The following RHCE variants were observed in gnomAD, a reference collection of about 807,000 sequenced individuals.
RHCE encodes the protein Rh blood group CcEe antigens.
A neutral mutation model predicts 43.8 loss-of-function variants in RHCE; 22 were observed. That is an observed-to-expected ratio of 0.50 (90% CI 0.36 to 0.72). RHCE has a LOEUF of 0.72. Among genes scored for constraint, RHCE ranks in the 30% least tolerant of loss-of-function variants. RHCE has a pLI of 0.00. For synonymous variants in RHCE, 156 were observed against 210.7 expected (o/e 0.74, Z 2.25); for missense variants, 385 against 525.4 (o/e 0.73, Z 2.61).
intron 1 of RHCE, among the ~76,000 whole-genome samples, chr1:25,412,815 A>G (rs1220967320): frequency 6.6e-6 from 1 of 151,106 alleles, no homozygotes; most frequent in Non-Finnish European, 1.5e-5. Context: ...ACTTGAAGTC[A>G]GGAGTTTGAG....
chr1:25,406,675 G>C lies in RHCE; in HGVS notation c.335+2008C>G, dbSNP rs1326333860. Among the ~76,000 whole-genome samples, 13 of 102,706 alleles carry C rather than the reference G, an allele frequency of 1.3e-4. 2 individuals are homozygous for C. Among genetic ancestry groups the C allele is most frequent in the South Asian group, 5.6e-4 (1 of 1,792 alleles). The allele number at this position is 102,706 out of a possible 152,430, so 67.4% of individuals were successfully genotyped here. The stretch of plus-strand genomic sequence containing the variant: ...GAGTCTCGCTCTGTCGCCCAGGCTA[G>C]AGTGCAGTGGCACGATCTCGGCTCA... On this transcript the variant is annotated intron_variant, in intron 2 of 9. Coordinates refer to ENST00000294413, the MANE Select transcript of RHCE (RefSeq NM_020485.8).
In RHCE at chr1:25,389,070, C is replaced by T. The variant is rs1343804972; in HGVS notation, c.845G>A (p.Gly282Asp). The T allele has an allele frequency of 2.5e-6, 4 of 1,614,008 alleles. No individual in the cohort carries two copies. The highest frequency in any genetic ancestry group is 1.7e-5 in the Admixed American group (1 of 59,998). Residue 282 changes from glycine (G) to aspartate (D), a missense_variant, in exon 6 of 10, where the codon GGT becomes GAT. This residue lies in a region of RHCE where 56 missense variants were observed against 90.0 expected (regional missense o/e 0.62). Transcript: ENST00000294413. ...SAVLAGGVAV[G>D]TSCHLIPSPW... ...AGAAGGGATCAGGTGACACGAGGTA[C>T]CCACAGCCACGCCTCCTGCCAACAC...
intron 3 of RHCE, among the ~76,000 whole-genome samples, chr1:25,396,114 A>G (rs1405789844): frequency 6.6e-6 from 1 of 151,694 alleles, no homozygotes; most frequent in Non-Finnish European, 1.5e-5. Context: ...ATTCCTACCA[A>G]AAATGCATAC....
In RHCE at chr1:25,410,721, G is replaced by C. The variant is rs111576112; in HGVS notation, c.149-1852C>G. ...AGCCTAGACAATGTTTTTCGAAAAG[G>C]TGGAAGGGGAAGCATAGGTTTTGAG... On this transcript the variant is annotated intron_variant, in intron 1 of 9. Transcript: ENST00000294413. 4.6e-5 allele frequency among the ~76,000 whole-genome samples: 7 copies of C among 152,268 alleles called. 1 individual carries two copies. The highest frequency in any genetic ancestry group is 1.7e-4 in the African/African-American group (7 of 41,512).
intron 1 of RHCE, among the ~76,000 whole-genome samples, chr1:25,415,013 A>T (rs1193800824): frequency 6.6e-6 from 1 of 151,900 alleles, no homozygotes; most frequent in Non-Finnish European, 1.5e-5. Flanking sequence ...AGGCCCCTTA[A>T]CTCCAAGCCC....
chr1:25,404,394 G>A (rs978200019), intron 2 of RHCE, among the ~76,000 whole-genome samples: 70 of 143,240 alleles, frequency 4.9e-4, no homozygotes, highest in Admixed American at 3.0e-3. Context: ...GACTATGCCC[G>A]CTTAAGCCTC....
intron 1 of RHCE, among the ~76,000 whole-genome samples, chr1:25,418,226 C>T (rs1337621222): frequency 6.6e-6 from 1 of 152,136 alleles, no homozygotes; most frequent in African/African-American, 2.4e-5. Flanking sequence ...AGGGTTTCAC[C>T]ATATGGGCCA....
chr1:25,362,355 AAACT>A lies in RHCE; in HGVS notation c.*168_*171del. 1 of 1,446,108 alleles carries A rather than the reference AAACT, an allele frequency of 6.9e-7. No homozygotes were observed. Among genetic ancestry groups the A allele is most frequent in the Non-Finnish European group, 9.4e-7 (1 of 1,059,510 alleles). The allele number at this position is 1,446,108 out of a possible 1,614,324, so 89.6% of individuals were successfully genotyped here. The stretch of plus-strand genomic sequence containing the variant: ...TTTTAAACTTATTAAATTGACTCTT[AAACT>A]AAGTTTTTAGTCTTTAATTTTTTAA... On this transcript the variant is annotated 3_prime_UTR_variant, in exon 10 of 10. Transcript: ENST00000294413.
intron 6 of RHCE, among the ~76,000 whole-genome samples, chr1:25,386,747 G>A (rs899108160): frequency 3.3e-5 from 5 of 151,566 alleles, no homozygotes; most frequent in Non-Finnish European, 5.9e-5. Context: ...GTGTGAACCC[G>A]GGAGGCAGAG....
intron 7 of RHCE, among the ~76,000 whole-genome samples, chr1:25,384,324 C>T (rs1461429425): frequency 6.6e-6 from 1 of 151,822 alleles, no homozygotes; most frequent in African/African-American, 2.4e-5. Context: ...TTGGATCTGG[C>T]AACACTGAGC....
intron 1 of RHCE, chr1:25,411,315 G>A: frequency 6.5e-7 from 1 of 1,550,192 alleles, no homozygotes. Flanking sequence ...ACATCATCAT[G>A]ACAATCACAG....
intron 1 of RHCE, among the ~76,000 whole-genome samples, chr1:25,412,302 T>C (rs573278130): frequency 6.6e-6 from 1 of 152,302 alleles, no homozygotes; most frequent in Admixed American, 6.5e-5. Context: ...CTGTAACACA[T>C]AGGAGTTGGA....
chr1:25,396,565 A>C (rs903594682), intron 3 of RHCE, among the ~76,000 whole-genome samples: 2 of 152,180 alleles, frequency 1.3e-5, no homozygotes, highest in Admixed American at 6.5e-5. Context: ...GGAAACTTAC[A>C]ATCATGGTGG....
intron 1 of RHCE, among the ~76,000 whole-genome samples, chr1:25,417,398 A>C (rs1043091011): frequency 2.6e-5 from 4 of 152,250 alleles, no homozygotes; most frequent in African/African-American, 9.6e-5. Flanking sequence ...CAACTCGTGC[A>C]GAAAAACACA....
At chr1:25,384,885 A>G (rs574007558) in intron 7 of RHCE, among the ~76,000 whole-genome samples, 26 of 152,302 alleles carry the variant, frequency 1.7e-4, no homozygotes, top group African/African-American at 5.8e-4. Flanking sequence ...TAATGCATAT[A>G]ATGGTTTCTA....
At chr1:25,422,099 C>T (rs2042766604), upstream of RHCE, among the ~76,000 whole-genome samples, 1 of 152,172 alleles carries the variant, frequency 6.6e-6, no homozygotes, top group South Asian at 2.1e-4. Context: ...ACCAAGAAAC[C>T]AAGACCCAGA....
intron 3 of RHCE, among the ~76,000 whole-genome samples, chr1:25,397,078 C>T (rs1646565880): frequency 1.5e-5 from 2 of 136,286 alleles, no homozygotes; most frequent in South Asian, 4.5e-4. Context: ...CACCACTGCA[C>T]TCCAGCCTGG....
rs377685081 is a variant in RHCE, at chr1:25,385,772, G to A, written c.1012C>T (p.Leu338Phe). 26 of 1,613,832 alleles carry A rather than the reference G, an allele frequency of 1.6e-5. No homozygotes were observed. The East Asian group carries it at 2.7e-4, about 17-fold the overall frequency. Residue 338 changes from leucine (L) to phenylalanine (F), a missense_variant, in exon 7 of 10, where the codon CTT becomes TTT. Coordinates refer to ENST00000294413, the MANE Select transcript of RHCE (RefSeq NM_020485.8). The part of the protein sequence containing the change: ...MHSIFSLLGL[L>F]GEITYIVLLV... Reference sequence around the variant, plus strand: ...AGCACAATGTAGGTGATCTCTCCAAGCAGACCCAGCAAGCTGAAGATGGAG... The same window carrying A: ...AGCACAATGTAGGTGATCTCTCCAAACAGACCCAGCAAGCTGAAGATGGAG...
chr1:25,402,892 T>G lies in RHCE; in HGVS notation c.336-146A>C. The G allele has an allele frequency of 4.2e-6, 5 of 1,193,004 alleles. No individual in the cohort carries two copies. The South Asian group carries it at 6.6e-5, about 16-fold the overall frequency. 73.9% of individuals were successfully genotyped at this position (1,193,004 alleles called of 1,614,324 possible). A position where few individuals can be genotyped will look rare whatever the true frequency, so the allele number is the denominator to read the frequency against. On this transcript the variant is annotated intron_variant, in intron 2 of 9. Transcript: ENST00000294413. ...ACAAGATTTCTACCCACCTGGGCGC[T>G]GATGCTGCAGAGTGGAGTGACCATC...
Sources: allele counts gnomAD v4.1 joint callset (sites outside exome capture counted in the v4.1 genomes callset), GRCh38; gene constraint gnomAD v4.1.1; regional missense constraint gnomAD v4.1.1; transcripts MANE v1.5; gene names NCBI Gene and HGNC (gene_info 2026-07-23, HGNC 2026-07-21).